Variants in MAP3K14 observed in about 807,000 individuals in gnomAD.
MAP3K14 encodes NF-kappa-beta-inducing kinase.
A neutral mutation model predicts 99.2 loss-of-function variants in MAP3K14; 16 were observed. The observed-to-expected ratio is 0.16, with a 90% CI of 0.11 to 0.24. MAP3K14 has a LOEUF of 0.24. Among genes scored for constraint, MAP3K14 ranks in the 10% least tolerant of loss-of-function variants. MAP3K14 has a pLI of 1.00. For synonymous variants in MAP3K14, 462 were observed against 492.4 expected (o/e 0.94, Z 0.82); for missense variants, 784 against 1,208.7 (o/e 0.65, Z 5.21).
chr17:45,275,575 G>A (rs1000697588), intron 6 of MAP3K14, among the ~76,000 whole-genome samples: 2 of 151,368 alleles, frequency 1.3e-5, no homozygotes, highest in African/African-American at 4.9e-5. Flanking sequence ...CACGCTGTCC[G>A]CCCTCAAATC....
chr17:45,313,120 G>A (rs913710662), intron 1 of MAP3K14, among the ~76,000 whole-genome samples: 1 of 152,126 alleles, frequency 6.6e-6, no homozygotes, highest in Non-Finnish European at 1.5e-5. Context: ...GGGAGAACCC[G>A]AGAGCTGAAG....
chr17:45,282,685 G>A (rs2044232799), intron 6 of MAP3K14, among the ~76,000 whole-genome samples: 1 of 152,182 alleles, frequency 6.6e-6, no homozygotes, highest in African/African-American at 2.4e-5. Flanking sequence ...TGCTGGCACT[G>A]CCACGTGACA....
intron 6 of MAP3K14, among the ~76,000 whole-genome samples, chr17:45,283,554 C>T (rs1229443280): frequency 1.3e-5 from 2 of 152,204 alleles, no homozygotes; most frequent in Non-Finnish European, 2.9e-5. Context: ...CCCTTAAGGC[C>T]ACAGGCACCC....
intron 1 of MAP3K14, among the ~76,000 whole-genome samples, chr17:45,297,599 G>A (rs1357451076): frequency 6.6e-6 from 1 of 151,988 alleles, no homozygotes; most frequent in Non-Finnish European, 1.5e-5. Flanking sequence ...AACCACTGAA[G>A]GATGTACTTT....
intron 6 of MAP3K14, among the ~76,000 whole-genome samples, chr17:45,284,212 G>A (rs996864882): frequency 3.3e-5 from 5 of 152,206 alleles, no homozygotes; most frequent in African/African-American, 7.2e-5. Flanking sequence ...GTTGAAAGCC[G>A]AACTCTCAGG....
rs28469216 is a variant in MAP3K14, at chr17:45,299,103, C to T, written c.-20-8338G>A. Among the ~76,000 whole-genome samples the T allele has an allele frequency of 2.0e-3, 306 of 152,302 alleles. 1 individual carries two copies. The highest frequency in any genetic ancestry group is 7.0e-3 in the African/African-American group (290 of 41,552). On this transcript the variant is annotated intron_variant, in intron 1 of 15. Coordinates refer to ENST00000344686, the MANE Select transcript of MAP3K14 (RefSeq NM_003954.5). ...AGTCAGGCAGTCCCAGGAGAGGAGG[C>T]TGCAGATGAAGTTCAGCTATCAGAC...
At chr17:45,285,064 C>A (rs1184403476) in intron 5 of MAP3K14, 115 bp from the exon 6 acceptor site, 1 of 1,175,192 alleles carries the variant, frequency 8.5e-7, no homozygotes, top group Admixed American at 2.5e-5. Flanking sequence ...CTGAGCTGAG[C>A]CCTCACAACC....
intron 6 of MAP3K14, among the ~76,000 whole-genome samples, chr17:45,277,415 T>C (rs950895656): frequency 1.3e-5 from 2 of 152,190 alleles, no homozygotes; most frequent in Non-Finnish European, 2.9e-5. Flanking sequence ...GGAAGCGATC[T>C]TCACAGACTT....
chr17:45,273,633 AG>A (rs377388576), intron 8 of MAP3K14, 26 bp from the exon 9 acceptor site: 1 of 1,574,046 alleles, frequency 6.4e-7, no homozygotes, highest in African/African-American at 1.3e-5. Context: ...GGGGAGGAAG[AG>A]GAACAGGTGA....
At chr17:45,308,077 A>G (rs781098281) in intron 1 of MAP3K14, among the ~76,000 whole-genome samples, 17 of 152,244 alleles carry the variant, frequency 1.1e-4, no homozygotes, top group African/African-American at 1.7e-4. Context: ...ATGATGAGGA[A>G]TATTCTCAGA....
chr17:45,265,587 G>A (rs1387348070), intron 14 of MAP3K14, among the ~76,000 whole-genome samples: 3 of 152,068 alleles, frequency 2.0e-5, no homozygotes, highest in Non-Finnish European at 4.4e-5. Context: ...ACAGGCATGC[G>A]CCACTATACC....
In MAP3K14 at chr17:45,271,157, G is replaced by A. The variant is rs755439399; in HGVS notation, c.1722C>T (p.Asp574=). Residue 574 remains aspartate, a synonymous_variant, in exon 10 of 16, where the codon GAC becomes GAT. Transcript: ENST00000344686. ...APEVVLGRSC[D]AKVDVWSSCC... is the part of the protein sequence containing the mutation. ...AGCTGCTCCAGACATCCACCTTGGCGTCGCAGCTCCTGCCCAGCACCACCT... is the reference window on the plus strand; with the variant it reads ...AGCTGCTCCAGACATCCACCTTGGCATCGCAGCTCCTGCCCAGCACCACCT... 12 of 1,613,402 alleles carry A rather than the reference G, an allele frequency of 7.4e-6. No homozygotes were observed. Among genetic ancestry groups the A allele is most frequent in the East Asian group, 6.7e-5 (3 of 44,880 alleles).
intron 8 of MAP3K14, 43 bp downstream of exon 8, chr17:45,274,080 G>C: frequency 1.9e-6 from 3 of 1,596,484 alleles, no homozygotes; most frequent in Non-Finnish European, 2.6e-6. Flanking sequence ...TGGTGTGAGA[G>C]AAGAGCCTGC....
intron 3 of MAP3K14, among the ~76,000 whole-genome samples, chr17:45,288,751 C>T (rs2044288022): frequency 6.6e-6 from 1 of 152,158 alleles, no homozygotes; most frequent in Non-Finnish European, 1.5e-5. Context: ...ACCCTGGCTT[C>T]CTTTCTACCG....
At chr17:45,315,412 T>G (rs2044522597) in intron 1 of MAP3K14, among the ~76,000 whole-genome samples, 1 of 152,124 alleles carries the variant, frequency 6.6e-6, no homozygotes, top group South Asian at 2.1e-4. Flanking sequence ...TCTCTAAAAT[T>G]AGAGTCAGAG....
At chr17:45,268,918 T>C (rs1278565181) in intron 11 of MAP3K14, among the ~76,000 whole-genome samples, 2 of 152,158 alleles carry the variant, frequency 1.3e-5, no homozygotes, top group Admixed American at 6.5e-5. Context: ...GGTAGCCTTG[T>C]CCACATGCCC....
At chr17:45,307,315 C>A (rs1282571561) in intron 1 of MAP3K14, among the ~76,000 whole-genome samples, 1 of 151,786 alleles carries the variant, frequency 6.6e-6, no homozygotes, top group African/African-American at 2.4e-5. Flanking sequence ...CAAGTGTCAT[C>A]GAAATCAGCA....
chr17:45,293,211 G>A (rs1363676076), intron 1 of MAP3K14, among the ~76,000 whole-genome samples: 1 of 152,240 alleles, frequency 6.6e-6, no homozygotes, highest in African/African-American at 2.4e-5. Context: ...CCTGATGAAT[G>A]AGAAAAATGA....
At chr17:45,316,664 G>C (rs563638045) in intron 1 of MAP3K14, among the ~76,000 whole-genome samples, 2 of 152,170 alleles carry the variant, frequency 1.3e-5, no homozygotes, top group African/African-American at 2.4e-5. Context: ...CGGGGCACTA[G>C]TGAAGGGGAA....
Sources: gnomAD v4.1 joint callset for allele counts (sites outside exome capture counted in the v4.1 genomes callset) on GRCh38, gnomAD v4.1.1 for gene constraint, MANE v1.5 for transcripts, NCBI Gene and HGNC (gene_info 2026-07-23, HGNC 2026-07-21) for gene names.